Variants in TMEM131L observed in about 807,000 individuals in gnomAD.
The protein encoded by TMEM131L is transmembrane protein 131-like.
Under a neutral mutation model 192.2 loss-of-function variants are expected in TMEM131L, and 54 were observed. That is an observed-to-expected ratio of 0.28 (90% CI 0.23 to 0.35). TMEM131L has a LOEUF of 0.35. Among genes scored for constraint, TMEM131L ranks in the 10% least tolerant of loss-of-function variants. The probability of loss-of-function intolerance (pLI) is 1.00; values close to 1 mark genes in which losing one functional copy is unlikely to be tolerated. For missense variants in TMEM131L, 1,888 were observed against 1,972.9 expected (o/e 0.96, Z 0.82); for synonymous variants, 701 against 704.9 (o/e 0.99, Z 0.09).
At chr4:153,617,655 A>T (rs779733861) in intron 26 of TMEM131L, among the ~76,000 whole-genome samples, 20 of 152,214 alleles carry the variant, frequency 1.3e-4, no homozygotes, top group Admixed American at 7.9e-4. Flanking sequence ...GTAGAGGTAA[A>T]TGTCTAACCT....
Position 153,515,756 on chromosome 4 carries a change from G to A in TMEM131L, c.240-34317G>A, listed in dbSNP as rs77614104. 5.3e-3 allele frequency among the ~76,000 whole-genome samples: 814 copies of A among 152,270 alleles called. 9 individuals are homozygous for A. The highest frequency in any genetic ancestry group is 0.018 in the African/African-American group (759 of 41,546). On this transcript the variant is annotated intron_variant, in intron 3 of 34. Coordinates refer to ENST00000409959, the MANE Select transcript of TMEM131L (RefSeq NM_001131007.2). ...TTTTCTACATTCTCACCAACCAACA[G>A]TTAATAGATGAGTTTATTATAGCCC...
chr4:153,572,866 G>A (rs1729683984), intron 7 of TMEM131L, among the ~76,000 whole-genome samples: 2 of 152,058 alleles, frequency 1.3e-5, no homozygotes, highest in Non-Finnish European at 2.9e-5. Flanking sequence ...CCTTCCCTCA[G>A]CCACCATTAT....
At chr4:153,477,649 A>G (rs1301101350) in intron 3 of TMEM131L, among the ~76,000 whole-genome samples, 1 of 152,230 alleles carries the variant, frequency 6.6e-6, no homozygotes, top group Non-Finnish European at 1.5e-5. Flanking sequence ...ATATACATGG[A>G]TGTATGAATA....
chr4:153,608,806 C>G (rs1338232450), intron 25 of TMEM131L, among the ~76,000 whole-genome samples: 2 of 152,210 alleles, frequency 1.3e-5, no homozygotes, highest in African/African-American at 4.8e-5. Flanking sequence ...CTGAGGAGAT[C>G]ACTTGTGTCT....
chr4:153,571,081 A>G (rs1729558548), intron 7 of TMEM131L, among the ~76,000 whole-genome samples: 1 of 150,854 alleles, frequency 6.6e-6, no homozygotes, highest in South Asian at 2.1e-4. Flanking sequence ...CTTTCTCTAG[A>G]TTTTTTTCGG....
At chr4:153,625,176 C>T (rs771729348) in intron 29 of TMEM131L, among the ~76,000 whole-genome samples, 4 of 152,122 alleles carry the variant, frequency 2.6e-5, no homozygotes, top group Non-Finnish European at 5.9e-5. Context: ...CTTTGGGAGG[C>T]CGAAGCAGAC....
At chr4:153,480,183 TA>T (rs1367134279) in intron 3 of TMEM131L, among the ~76,000 whole-genome samples, 1 of 151,786 alleles carries the variant, frequency 6.6e-6, no homozygotes, top group East Asian at 1.9e-4. Flanking sequence ...ACTAAAAATA[TA>T]AAAAATTAGC....
At chr4:153,601,565 A>T (rs1329991719) in intron 21 of TMEM131L, among the ~76,000 whole-genome samples, 2 of 152,252 alleles carry the variant, frequency 1.3e-5, no homozygotes, top group Non-Finnish European at 2.9e-5. Context: ...ATAAAATATT[A>T]GTCCTTATGT....
At position 153,612,237 on chromosome 4, in the gene TMEM131L, T is replaced by C; in HGVS notation, c.3419-15T>C. ...AACTATTAGCTAGAAATTGAATTGT[T>C]TTTGTTTATTAAAGGGAATAACCAG... On this transcript the variant is annotated splice_polypyrimidine_tract_variant and intron_variant, in intron 25 of 34. Coordinates refer to ENST00000409959, the MANE Select transcript of TMEM131L (RefSeq NM_001131007.2). The C allele has an allele frequency of 6.6e-7, 1 of 1,509,760 alleles. No individual in the cohort carries two copies. Among genetic ancestry groups the C allele is most frequent in the Non-Finnish European group, 8.8e-7 (1 of 1,132,922 alleles). The allele number at this position is 1,509,760 out of a possible 1,614,324, so 93.5% of individuals were successfully genotyped here.
chr4:153,634,283 A>G lies in TMEM131L; in HGVS notation c.4417+3A>G. ...CGATTACAATGCCTTTCCAGAAGGTAAGGGCTCTTCAGACAATCCCAACGC... is the reference window on the plus strand; with the variant it reads ...CGATTACAATGCCTTTCCAGAAGGTGAGGGCTCTTCAGACAATCCCAACGC... On this transcript the variant is annotated splice_donor_region_variant and intron_variant, in intron 33 of 34. Transcript: ENST00000409959. 1 of 1,609,174 alleles carries G rather than the reference A, an allele frequency of 6.2e-7. No homozygotes were observed. The highest frequency in any genetic ancestry group is 1.1e-5 in the South Asian group (1 of 91,000).
At chr4:153,552,192 G>A (rs965975768) in intron 4 of TMEM131L, among the ~76,000 whole-genome samples, 1 of 152,078 alleles carries the variant, frequency 6.6e-6, no homozygotes, top group African/African-American at 2.4e-5. Flanking sequence ...TAGCCTGGGC[G>A]ACAGAGGGAG....
At chr4:153,620,930 A>G (rs1358023056) in intron 27 of TMEM131L, 50 bp downstream of exon 27, 1 of 1,473,022 alleles carries the variant, frequency 6.8e-7, no homozygotes, top group East Asian at 2.5e-5. Flanking sequence ...TTCACTTTAT[A>G]ATTTTGCATT....
intron 7 of TMEM131L, among the ~76,000 whole-genome samples, chr4:153,580,579 G>C (rs1730263505): frequency 6.6e-6 from 1 of 152,154 alleles, no homozygotes; most frequent in Admixed American, 6.5e-5. Context: ...TTTTCATGTT[G>C]CCCGAGGGAG....
chr4:153,476,371 A>C (rs1731536609), intron 3 of TMEM131L, among the ~76,000 whole-genome samples: 1 of 152,202 alleles, frequency 6.6e-6, no homozygotes, highest in South Asian at 2.1e-4. Context: ...TTGTAGCAGA[A>C]GGCTTTGAAC....
chr4:153,527,481 C>T (rs564970976), intron 3 of TMEM131L, among the ~76,000 whole-genome samples: 51 of 152,146 alleles, frequency 3.4e-4, no homozygotes, highest in African/African-American at 1.2e-3. Flanking sequence ...CACCATGTTG[C>T]TCAGGCTGGT....
intron 3 of TMEM131L, among the ~76,000 whole-genome samples, chr4:153,505,697 T>C (rs1343515732): frequency 6.6e-6 from 1 of 152,232 alleles, no homozygotes; most frequent in Non-Finnish European, 1.5e-5. Flanking sequence ...GAGACAGTAC[T>C]ATAATTTTAT....
Position 153,527,008 on chromosome 4 carries a change from G to A in TMEM131L, c.240-23065G>A, listed in dbSNP as rs566720943. ...TGTCTGGGACAATACCTGAGACATG[G>A]CAATTAAATGTTGAATGCATGAGGT... On this transcript the variant is annotated intron_variant, in intron 3 of 34. Coordinates refer to ENST00000409959, the MANE Select transcript of TMEM131L (RefSeq NM_001131007.2). Among the ~76,000 whole-genome samples, 37 of 152,240 alleles carry A rather than the reference G, an allele frequency of 2.4e-4. 1 individual carries two copies. In the South Asian group the frequency reaches 7.5e-3, roughly 31 times the overall value.
In TMEM131L at chr4:153,481,826, C is replaced by G. The variant is rs543306084; in HGVS notation, c.239+7938C>G. Among the ~76,000 whole-genome samples, 101 of 152,280 alleles carry G rather than the reference C, an allele frequency of 6.6e-4. 1 individual carries two copies. The South Asian group carries it at 0.02, about 30-fold the overall frequency. ...GTGCTGGGATTACAGGCGTGAGCCACTGCGCCTGGCCCAGAGACTGTATTA... is the reference window on the plus strand; with the variant it reads ...GTGCTGGGATTACAGGCGTGAGCCAGTGCGCCTGGCCCAGAGACTGTATTA... On this transcript the variant is annotated intron_variant, in intron 3 of 34. Coordinates refer to ENST00000409959, the MANE Select transcript of TMEM131L (RefSeq NM_001131007.2).
intron 7 of TMEM131L, among the ~76,000 whole-genome samples, chr4:153,569,202 T>C (rs1253695731): frequency 6.6e-6 from 1 of 152,054 alleles, no homozygotes; most frequent in Non-Finnish European, 1.5e-5. Context: ...GTTTCTGTGC[T>C]CTTGACCCTT....
Sources: allele counts gnomAD v4.1 joint callset (sites outside exome capture counted in the v4.1 genomes callset), GRCh38; gene constraint gnomAD v4.1.1; transcripts MANE v1.5; gene names NCBI Gene and HGNC (gene_info 2026-07-23, HGNC 2026-07-21).